HDX: variants seen among roughly 807,000 people sequenced by gnomAD.
HDX encodes highly divergent homeobox, also known as chromosome X open reading frame 43.
A neutral mutation model predicts 45.2 loss-of-function variants in HDX; 19 were observed. The observed-to-expected ratio is 0.42, with a 90% CI of 0.29 to 0.62. The LOEUF (loss-of-function observed/expected upper bound fraction) is 0.62, where lower values mean the gene tolerates loss of function less well. HDX is among the 20% of genes least tolerant of loss of function. The pLI is 0.20. For synonymous variants in HDX, 188 were observed against 172.8 expected, an observed-to-expected ratio of 1.09 and a Z score of -0.69; for missense variants, 532 against 493.9, an observed-to-expected ratio of 1.08 and a Z score of -0.73.
At chrX:84,328,287 G>T (rs1249875277) in intron 9 of HDX, among the ~76,000 whole-genome samples, 1 of 110,874 alleles carries the variant, frequency 9.0e-6, no homozygotes, top group Non-Finnish European at 1.9e-5. Context: ...CAAGAGGACT[G>T]CTTGAGCCCA....
intron 9 of HDX, among the ~76,000 whole-genome samples, chrX:84,329,049 A>G (rs2147763139): frequency 8.9e-6 from 1 of 112,468 alleles, no homozygotes; most frequent in Non-Finnish European, 1.9e-5. Context: ...AGAGTTATCA[A>G]CAGAAAGGAA....
intron 5 of HDX, among the ~76,000 whole-genome samples, chrX:84,370,138 T>G (rs2037857834): frequency 8.9e-6 from 1 of 112,093 alleles, no homozygotes; most frequent in Admixed American, 9.5e-5. Context: ...AAAGAATTCC[T>G]CTTGCCTGAT....
intron 9 of HDX, among the ~76,000 whole-genome samples, chrX:84,329,751 TCTAA>T (rs2036804710): frequency 8.9e-6 from 1 of 111,902 alleles, no homozygotes; most frequent in African/African-American, 3.2e-5. Context: ...CTTCCTTCTG[TCTAA>T]CTGACACTTT....
intron 5 of HDX, among the ~76,000 whole-genome samples, chrX:84,402,127 G>A (rs899322466): frequency 1.8e-5 from 2 of 111,231 alleles, no homozygotes; most frequent in Non-Finnish European, 3.8e-5. Flanking sequence ...GGGTTGATAG[G>A]TGCAACAAAC....
Position 84,426,944 on chromosome X carries a change from A to T in HDX, c.1305+13588T>A, listed in dbSNP as rs1054010482. ...ATACAATTTTATTTTAAAAATAAAA[A>T]TGTTAAAAATAGAAGCTGAGAAAAG... On this transcript the variant is annotated intron_variant, in intron 5 of 10. Coordinates refer to ENST00000373177, the MANE Select transcript of HDX (RefSeq NM_001177479.2). Among the ~76,000 whole-genome samples, 3 of 110,826 alleles carry T rather than the reference A, an allele frequency of 2.7e-5. No homozygotes were observed. The East Asian group carries it at 8.4e-4, about 31-fold the overall frequency.
intron 5 of HDX, among the ~76,000 whole-genome samples, chrX:84,408,499 G>GTTTTTTTTTTTTT (rs1220751208): frequency 4.5e-5 from 2 of 44,440 alleles, no homozygotes; most frequent in South Asian, 1.1e-3. Flanking sequence ...CTCCAGCTTT[G>GTTTTTTTTTTTTT]TTTTTTTTTT....
chrX:84,345,202 C>T (rs780263771), intron 6 of HDX, among the ~76,000 whole-genome samples: 105 of 111,333 alleles, frequency 9.4e-4, no homozygotes, highest in African/African-American at 3.3e-3. Flanking sequence ...CCGTCTTCTC[C>T]AACTTCCATC....
intron 5 of HDX, among the ~76,000 whole-genome samples, chrX:84,398,189 T>C (rs1434770881): frequency 9.0e-6 from 1 of 110,932 alleles, no homozygotes; most frequent in Non-Finnish European, 1.9e-5. Flanking sequence ...AATAACCAGA[T>C]AGCATCATGA....
chrX:84,429,373 T>G lies in HDX; in HGVS notation c.1305+11159A>C, dbSNP rs751185285. ...ATTTTTTCACAAATATTTTATAGTT[T>G]TCAGGGCAGAGGTTTTGCATAGCTT... On this transcript the variant is annotated intron_variant, in intron 5 of 10. Transcript: ENST00000373177. Among the ~76,000 whole-genome samples, 7 of 110,918 alleles carry G rather than the reference T, an allele frequency of 6.3e-5. No homozygotes were observed. The East Asian group carries it at 2.0e-3, about 31-fold the overall frequency.
chrX:84,375,338 G>A (rs1471719843), intron 5 of HDX, among the ~76,000 whole-genome samples: 3 of 110,354 alleles, frequency 2.7e-5, no homozygotes, highest in African/African-American at 6.6e-5. Context: ...TCAGTGTGGC[G>A]ATTCCTCAGG....
intron 5 of HDX, among the ~76,000 whole-genome samples, chrX:84,432,212 A>G (rs1292220975): frequency 9.0e-6 from 1 of 111,523 alleles, no homozygotes; most frequent in Non-Finnish European, 1.9e-5. Context: ...TTTTGTACCA[A>G]TACCATGACA....
At chrX:84,336,739 A>T in intron 8 of HDX, 62 bp downstream of exon 8, 3 of 747,195 alleles carry the variant, frequency 4.0e-6, no homozygotes, top group Non-Finnish European at 6.0e-6. Flanking sequence ...TATTTTCACC[A>T]ACTGGATACT....
chrX:84,473,134 T>C (rs1167166387), intron 3 of HDX, among the ~76,000 whole-genome samples: 2 of 109,800 alleles, frequency 1.8e-5, no homozygotes, highest in African/African-American at 6.6e-5. Flanking sequence ...TTCCCTTTTT[T>C]TATATCTCCT....
At chrX:84,392,353 C>T (rs977892681) in intron 5 of HDX, among the ~76,000 whole-genome samples, 1 of 111,011 alleles carries the variant, frequency 9.0e-6, no homozygotes, top group Non-Finnish European at 1.9e-5. Flanking sequence ...TAGTGCGGTA[C>T]CTCCAGCTTG....
At chrX:84,485,849 G>A (rs771773378) in intron 2 of HDX, among the ~76,000 whole-genome samples, 3 of 111,995 alleles carry the variant, frequency 2.7e-5, no homozygotes, top group Non-Finnish European at 5.6e-5. Context: ...ATTCTACTTT[G>A]CCAGACACTA....
At position 84,469,549 on chromosome X, in the gene HDX, C is replaced by T. The variant is rs1371190727; in HGVS notation, c.174G>A (p.Lys58=). The change falls in exon 4 of 11, where the codon AAG becomes AAA. Residue 58 remains lysine, a synonymous_variant. Transcript: ENST00000373177. ...VRTWVGNKRR[K]MSSKNSESGT... The stretch of plus-strand genomic sequence containing the variant: ...CAGATTCAGAGTTCTTACTACTCAT[C>T]TTTCTTCTCTTATTGCCAACCCACG... The T allele has an allele frequency of 8.4e-7, 1 of 1,187,322 alleles. No homozygotes were observed. The highest frequency in any genetic ancestry group is 2.3e-5 in the Admixed American group (1 of 42,944).
At chrX:84,368,887 A>G (rs2037826306) in intron 5 of HDX, among the ~76,000 whole-genome samples, 1 of 110,848 alleles carries the variant, frequency 9.0e-6, no homozygotes, top group Non-Finnish European at 1.9e-5. Context: ...AGGAGTGCAC[A>G]ACCTAGACCC....
rs935241642 is a variant in HDX, at chrX:84,446,006, C to A, written c.1252-5421G>T. On this transcript the variant is annotated intron_variant, in intron 4 of 10. Transcript: ENST00000373177. ...TAAGATGTTTCAGAATTATAAAATT[C>A]TAAGATGTTTCAGAATTATAAAAGG... Among the ~76,000 whole-genome samples the A allele has an allele frequency of 1.5e-4, 17 of 111,348 alleles. No individual in the cohort carries two copies. In the South Asian group the frequency reaches 6.2e-3, roughly 41 times the overall value.
chrX:84,458,585 A>G (rs2040166310), intron 4 of HDX, among the ~76,000 whole-genome samples: 1 of 111,957 alleles, frequency 8.9e-6, no homozygotes, highest in Non-Finnish European at 1.9e-5. Context: ...TCATAGATTG[A>G]GAGATTCTTC....
Sources: gnomAD v4.1 joint callset for allele counts (sites outside exome capture counted in the v4.1 genomes callset) on GRCh38, gnomAD v4.1.1 for gene constraint, MANE v1.5 for transcripts, NCBI Gene and HGNC (gene_info 2026-07-23, HGNC 2026-07-21) for gene names.